NELL1: variants seen among roughly 807,000 people sequenced by gnomAD.
NELL1 encodes the protein protein kinase C-binding protein NELL1.
NELL1 carries 76 observed loss-of-function variants against 107.4 expected under a neutral mutation model. The ratio of observed to expected loss-of-function variants is 0.71; its 90% CI spans 0.59 to 0.86. The LOEUF (loss-of-function observed/expected upper bound fraction) is 0.86. Among genes scored for constraint, NELL1 ranks in the 40% least tolerant of loss-of-function variants. The pLI is 0.00. For missense variants in NELL1, 1,024 were observed against 1,005.5 expected (o/e 1.02, Z -0.25); for synonymous variants, 353 against 341.2 (o/e 1.03, Z -0.38).
intron 12 of NELL1, among the ~76,000 whole-genome samples, chr11:20,979,652 C>T (rs1437667581): frequency 2.0e-5 from 3 of 152,084 alleles, no homozygotes. Context: ...TTAAATTCCC[C>T]CTTTGTTGTT....
At chr11:21,091,111 A>G (rs1391536047) in intron 12 of NELL1, among the ~76,000 whole-genome samples, 1 of 152,220 alleles carries the variant, frequency 6.6e-6, no homozygotes, top group African/African-American at 2.4e-5. Flanking sequence ...ATTTTGCCTC[A>G]GGCAACATCA....
intron 15 of NELL1, among the ~76,000 whole-genome samples, chr11:21,435,459 A>T (rs1418805757): frequency 7.2e-6 from 1 of 139,426 alleles, no homozygotes; most frequent in Admixed American, 7.1e-5. Flanking sequence ...TTTTTTTACC[A>T]TGAAGAGATG....
chr11:21,150,715 C>T (rs1320373913), intron 13 of NELL1, among the ~76,000 whole-genome samples: 2 of 152,044 alleles, frequency 1.3e-5, no homozygotes, highest in African/African-American at 4.8e-5. Context: ...ACTCTTTCAC[C>T]CAAATATTCT....
In NELL1 at chr11:21,188,135, A is replaced by G. The variant is rs918839593; in HGVS notation, c.1427-41197A>G. On this transcript the variant is annotated intron_variant, in intron 13 of 19. Transcript: ENST00000357134. ...TTGCATCATCCCTTTGGGGAAGATG[A>G]AGGGGAAAGGTAAAAATCACTGAAG... Among the ~76,000 whole-genome samples the G allele has an allele frequency of 1.4e-4, 22 of 151,860 alleles. 1 individual carries two copies. Among genetic ancestry groups the G allele is most frequent in the African/African-American group, 4.9e-4 (20 of 41,128 alleles).
chr11:21,450,957 G>A (rs148586747), intron 15 of NELL1, among the ~76,000 whole-genome samples: 4,073 of 152,002 alleles, frequency 0.027, 123 homozygotes, highest in South Asian at 0.14. Flanking sequence ...TTGGGAGGCC[G>A]AGGCGGGCGG....
chr11:21,395,597 A>G (rs1363992210), intron 15 of NELL1, among the ~76,000 whole-genome samples: 1 of 151,602 alleles, frequency 6.6e-6, no homozygotes, highest in East Asian at 2.0e-4. Context: ...GGCATTGGTG[A>G]TCATAAAGAA....
At position 21,281,882 on chromosome 11, in the gene NELL1, T is replaced by C. The variant is rs146005239; in HGVS notation, c.1549+52428T>C. Among the ~76,000 whole-genome samples, 552 of 152,322 alleles carry C rather than the reference T, an allele frequency of 3.6e-3. 4 individuals are homozygous for C. Among genetic ancestry groups the C allele is most frequent in the African/African-American group, 0.013 (527 of 41,568 alleles). On this transcript the variant is annotated intron_variant, in intron 14 of 19. Transcript: ENST00000357134. ...TAGACTTAAATCTAAGACCTCAAACTATGAAACTACTACACAAAAACATCA... is the reference window on the plus strand; with the variant it reads ...TAGACTTAAATCTAAGACCTCAAACCATGAAACTACTACACAAAAACATCA...
intron 12 of NELL1, among the ~76,000 whole-genome samples, chr11:21,093,627 A>G (rs1354570181): frequency 6.6e-6 from 1 of 152,226 alleles, no homozygotes; most frequent in Non-Finnish European, 1.5e-5. Flanking sequence ...AATTCGAATC[A>G]CAGTTCCATG....
At chr11:21,566,031 A>C (rs1856965616) in intron 17 of NELL1, among the ~76,000 whole-genome samples, 1 of 152,078 alleles carries the variant, frequency 6.6e-6, no homozygotes, top group South Asian at 2.1e-4. Flanking sequence ...TGTTGTAAAT[A>C]TTTCATGTTT....
intron 14 of NELL1, among the ~76,000 whole-genome samples, chr11:21,300,244 G>A (rs1436579890): frequency 6.6e-6 from 1 of 151,950 alleles, no homozygotes; most frequent in Non-Finnish European, 1.5e-5. Context: ...TGAAGGAACA[G>A]CAAAGGCAAA....
At chr11:20,777,274 T>C (rs1047175942) in intron 2 of NELL1, among the ~76,000 whole-genome samples, 1 of 152,258 alleles carries the variant, frequency 6.6e-6, no homozygotes, top group Admixed American at 6.5e-5. Context: ...TCTAAAGTTA[T>C]TGTAAGTGCG....
At chr11:20,927,757 G>A (rs575736135) in intron 8 of NELL1, among the ~76,000 whole-genome samples, 4 of 152,230 alleles carry the variant, frequency 2.6e-5, no homozygotes, top group South Asian at 2.1e-4. Flanking sequence ...CAACCTAATG[G>A]TTATCCTTAT....
chr11:21,449,116 T>A (rs1853516907), intron 15 of NELL1, among the ~76,000 whole-genome samples: 1 of 152,220 alleles, frequency 6.6e-6, no homozygotes, highest in Admixed American at 6.5e-5. Flanking sequence ...AATATTTAAC[T>A]TTTAAAGGAG....
intron 2 of NELL1, 82 bp downstream of exon 2, chr11:20,678,142 G>A: frequency 1.3e-6 from 2 of 1,504,382 alleles, no homozygotes; most frequent in South Asian, 2.3e-5. Flanking sequence ...TTGTGTGTTT[G>A]TCTGGAGATC....
At position 20,975,808 on chromosome 11, in the gene NELL1, CATATT is replaced by C. The variant is rs200945508; in HGVS notation, c.1300+15253_1300+15257del. Among the ~76,000 whole-genome samples the C allele has an allele frequency of 5.5e-3, 692 of 125,348 alleles. 58 individuals are homozygous for C. Among genetic ancestry groups the C allele is most frequent in the African/African-American group, 0.02 (619 of 30,668 alleles). The allele number at this position is 125,348 out of a possible 152,430, so 82.2% of individuals were successfully genotyped here. On this transcript the variant is annotated intron_variant, in intron 12 of 19. Coordinates refer to ENST00000357134, the MANE Select transcript of NELL1 (RefSeq NM_006157.5). Reference sequence around the variant, plus strand: ...TATTATATATGTATTATATGATATACATATTATATATGTATTATATATGTACATAT... The same window carrying C: ...TATTATATATGTATTATATGATATACATATATGTATTATATATGTACATAT...
At chr11:21,378,232 TAA>T (rs1388540703) in intron 15 of NELL1, among the ~76,000 whole-genome samples, 1 of 146,700 alleles carries the variant, frequency 6.8e-6, no homozygotes, top group South Asian at 2.1e-4. Context: ...TGTAGCATTT[TAA>T]AAAGTCTTTT....
chr11:20,835,304 A>G (rs1848514296), intron 3 of NELL1, among the ~76,000 whole-genome samples: 1 of 152,198 alleles, frequency 6.6e-6, no homozygotes, highest in Non-Finnish European at 1.5e-5. Flanking sequence ...GACAAGAGGC[A>G]TACTTTGTAT....
chr11:21,342,721 G>A (rs1338930717), intron 14 of NELL1, among the ~76,000 whole-genome samples: 1 of 151,150 alleles, frequency 6.6e-6, no homozygotes, highest in African/African-American at 2.4e-5. Context: ...GAGAGAGAGA[G>A]AGAGAAAGAG....
chr11:20,882,603 A>T (rs777100074), intron 4 of NELL1, among the ~76,000 whole-genome samples: 6 of 152,236 alleles, frequency 3.9e-5, no homozygotes, highest in Non-Finnish European at 7.3e-5. Context: ...TGTAAACATC[A>T]TGACCCTCTA....
Sources: gnomAD v4.1 joint callset for allele counts (sites outside exome capture counted in the v4.1 genomes callset) on GRCh38, gnomAD v4.1.1 for gene constraint, MANE v1.5 for transcripts, NCBI Gene and HGNC (gene_info 2026-07-23, HGNC 2026-07-21) for gene names.